The following SHOX variants were observed in gnomAD, a reference collection of about 807,000 sequenced individuals.
SHOX encodes short stature homeobox protein.
In SHOX, 12 loss-of-function variants were observed where a neutral mutation model predicts 29.6. That is an observed-to-expected ratio of 0.41 (90% CI 0.26 to 0.66). SHOX has a LOEUF of 0.66. SHOX is among the 30% of genes least tolerant of loss of function. SHOX has a pLI of 0.35. For missense variants in SHOX, 499 were observed against 437.7 expected (o/e 1.14, Z -1.25); for synonymous variants, 214 against 200.6 (o/e 1.07, Z -0.57).
At chrX:625,223 TTCTC>T (rs2052502027) in intron 1 of SHOX, among the ~76,000 whole-genome samples, 1 of 131,402 alleles carries the variant, frequency 7.6e-6, no homozygotes, top group Non-Finnish European at 1.6e-5. Context: ...CTCCTCCTCC[TTCTC>T]CCTCCTCCTC....
At position 645,062 on chromosome X, in the gene SHOX, T is replaced by G. The variant is rs149127363; in HGVS notation, c.*426T>G. 1 of 170,262 alleles carries G rather than the reference T, an allele frequency of 5.9e-6. No individual in the cohort carries two copies. Among genetic ancestry groups the G allele is most frequent in the Admixed American group, 6.4e-5 (1 of 15,704 alleles). The allele number at this position is 170,262 out of a possible 1,614,324, so 10.5% of individuals were successfully genotyped here. The stretch of plus-strand genomic sequence containing the variant: ...TCCGATGAAAATGCCATTTCTTCGT[T>G]GCCAACGATTTTCTTTACTACCATG... On this transcript the variant is annotated 3_prime_UTR_variant, in exon 5 of 5. Coordinates refer to ENST00000686671, the MANE Select transcript of SHOX (RefSeq NM_000451.4).
chrX:651,853 A>C (rs2053070029), downstream of SHOX, among the ~76,000 whole-genome samples: 1 of 152,098 alleles, frequency 6.6e-6, no homozygotes, highest in Admixed American at 6.6e-5. Context: ...GTGGCAAAAA[A>C]AACAGAGGAA....
At chrX:640,684 C>T (rs1330967816) in intron 2 of SHOX, 137 bp from the exon 3 acceptor site, 2 of 889,728 alleles carry the variant, frequency 2.2e-6, no homozygotes, top group Non-Finnish European at 3.8e-6. Context: ...CGGTAAGTGT[C>T]TGGGCGCCCA....
At position 646,256 on chromosome X, in the gene SHOX, G is replaced by A. The variant is rs2052963389; in HGVS notation, c.*1620G>A. The stretch of plus-strand genomic sequence containing the variant: ...AAATGACCTAACCAAAAACATTCAA[G>A]GGTTCTGCCCCCAGATTTCGGGAGA... On this transcript the variant is annotated 3_prime_UTR_variant, in exon 5 of 5. Coordinates refer to ENST00000686671, the MANE Select transcript of SHOX (RefSeq NM_000451.4). 6.6e-6 allele frequency: 1 copy of A among 152,018 alleles called. No individual in the cohort carries two copies. The highest frequency in any genetic ancestry group is 6.6e-5 in the Admixed American group (1 of 15,250). 9.4% of individuals were successfully genotyped at this position (152,018 alleles called of 1,614,324 possible).
upstream of SHOX, among the ~76,000 whole-genome samples, chrX:628,046 C>G (rs774209644): frequency 1.8e-5 from 2 of 113,120 alleles, no homozygotes; most frequent in East Asian, 5.1e-4. Context: ...GAATCTCCCT[C>G]TCTGTCTGTC....
chrX:631,202 G>A (rs755812313), intron 1 of SHOX, 28 bp downstream of exon 1: 6 of 1,611,838 alleles, frequency 3.7e-6, no homozygotes, highest in Non-Finnish European at 5.1e-6. Context: ...CCGGCTCCAG[G>A]GGGGCCCTCC....
Position 624,902 on chromosome X carries a change from C to CT in SHOX, c.-433+301dup, listed in dbSNP as rs754320196. The stretch of plus-strand genomic sequence containing the variant: ...TCTTTCTTTCTTTCTTTCTTTCTTT[C>CT]TCTCTTCCTTTCTTTCTTTCTTTCT... On this transcript the variant is annotated intron_variant, in intron 1 of 5. Coordinates refer to the SHOX transcript ENST00000334060. 1.4e-3 allele frequency among the ~76,000 whole-genome samples: 77 copies of CT among 55,706 alleles called. 1 individual carries two copies. The highest frequency in any genetic ancestry group is 1.9e-3 in the Non-Finnish European group (51 of 26,892). 36.5% of individuals were successfully genotyped at this position (55,706 alleles called of 152,430 possible).
intron 2 of SHOX, among the ~76,000 whole-genome samples, chrX:636,834 G>A (rs1172675047): frequency 3.5e-5 from 5 of 143,434 alleles, no homozygotes; most frequent in Admixed American, 2.2e-4. Context: ...GGTTCCTGTG[G>A]GATGGGTGAT....
In SHOX at chrX:646,806, A is replaced by AAAG. The variant is rs1556470625; in HGVS notation, c.*2171_*2172insAGA. 35 of 151,298 alleles carry AAAG rather than the reference A, an allele frequency of 2.3e-4. No homozygotes were observed. The highest frequency in any genetic ancestry group is 8.0e-4 in the African/African-American group (33 of 41,310). 9.4% of individuals were successfully genotyped at this position (151,298 alleles called of 1,614,324 possible). On this transcript the variant is annotated 3_prime_UTR_variant, in exon 5 of 5. Coordinates refer to ENST00000686671, the MANE Select transcript of SHOX (RefSeq NM_000451.4). ...TAAAAGCTGGAAATTAAAAAAAAAA[A>AAAG]AGAGAGAGAGAGGCTTTAATAGTTA...
downstream of SHOX, among the ~76,000 whole-genome samples, chrX:651,925 T>A (rs779361427): frequency 6.6e-3 from 1,000 of 151,104 alleles, 6 homozygotes; most frequent in African/African-American, 0.015. Flanking sequence ...TTAATTAATT[T>A]ATTTTTTTTT....
intron 2 of SHOX, among the ~76,000 whole-genome samples, chrX:635,676 C>T (rs1159707305): frequency 6.6e-6 from 1 of 152,174 alleles, no homozygotes; most frequent in Non-Finnish European, 1.5e-5. Flanking sequence ...GAGGGACGGG[C>T]GGGCAGAGCC....
chrX:624,870 CTTT>C (rs1569491655), intron 1 of SHOX, among the ~76,000 whole-genome samples: 2 of 49,740 alleles, frequency 4.0e-5, no homozygotes, highest in Non-Finnish European at 7.1e-5. Context: ...TCTTTTCTTT[CTTT>C]CTTTCTTTCT....
At chrX:626,459 AT>A (rs2052537216), upstream of SHOX, among the ~76,000 whole-genome samples, 1 of 73,682 alleles carries the variant, frequency 1.4e-5, no homozygotes, top group African/African-American at 5.4e-5. Flanking sequence ...CTTTCTCTGT[AT>A]CTCTGTCTAT....
chrX:625,549 C>G (rs927735179), intron 1 of SHOX, among the ~76,000 whole-genome samples: 2 of 150,260 alleles, frequency 1.3e-5, no homozygotes, highest in African/African-American at 4.9e-5. Context: ...CTCTCTTTCT[C>G]TCCTCTGTCT....
chrX:629,812 G>A (rs1168847299), upstream of SHOX, among the ~76,000 whole-genome samples: 1 of 152,170 alleles, frequency 6.6e-6, no homozygotes, highest in Non-Finnish European at 1.5e-5. Context: ...TGGTTTCCAG[G>A]ACTTGGAAAA....
downstream of SHOX, among the ~76,000 whole-genome samples, chrX:652,339 AAT>A (rs1491152100): frequency 8.0e-5 from 7 of 87,154 alleles, no homozygotes; most frequent in East Asian, 3.6e-4. Flanking sequence ...AAAAATGACA[AAT>A]TTTTTTTTTT....
chrX:637,048 C>T (rs1209072692), intron 2 of SHOX, among the ~76,000 whole-genome samples: 1 of 151,000 alleles, frequency 6.6e-6, no homozygotes, highest in Non-Finnish European at 1.5e-5. Context: ...AGGATTAAAT[C>T]AACCCTCCCC....
chrX:639,515 T>G (rs1227516935), intron 2 of SHOX, among the ~76,000 whole-genome samples: 3 of 152,216 alleles, frequency 2.0e-5, no homozygotes, highest in African/African-American at 4.8e-5. Context: ...CCTCTCCGTT[T>G]GTGGCTAAAG....
chrX:627,800 T>C (rs2052565264), upstream of SHOX, among the ~76,000 whole-genome samples: 1 of 152,088 alleles, frequency 6.6e-6, no homozygotes, highest in South Asian at 2.1e-4. Context: ...GGGGAAAGCC[T>C]GGGCCTCACG....
Sources: gnomAD v4.1 joint callset for allele counts (sites outside exome capture counted in the v4.1 genomes callset) on GRCh38, gnomAD v4.1.1 for gene constraint, MANE v1.5 for transcripts, NCBI Gene and HGNC (gene_info 2026-07-23, HGNC 2026-07-21) for gene names.